PODXL: variants seen among roughly 807,000 people sequenced by gnomAD.
PODXL encodes podocalyxin like.
A neutral mutation model predicts 48.9 loss-of-function variants in PODXL; 20 were observed. That is an observed-to-expected ratio of 0.41 (90% CI 0.29 to 0.59). The LOEUF is 0.59. Ranked by LOEUF, PODXL falls within the 20% of genes least tolerant of loss-of-function variation. The pLI, the probability that PODXL is intolerant of heterozygous loss-of-function variation, is 0.31. For synonymous variants in PODXL, 295 were observed against 287.4 expected (o/e 1.03, Z -0.27); for missense variants, 606 against 675.1 (o/e 0.90, Z 1.13).
chr7:131,549,320 C>G (rs889316997), intron 1 of PODXL, among the ~76,000 whole-genome samples: 1 of 152,158 alleles, frequency 6.6e-6, no homozygotes, highest in Non-Finnish European at 1.5e-5. Context: ...TCAGTTTCTC[C>G]TCTCTGGAAT....
At chr7:131,524,338 TC>T (rs1212687864) in intron 1 of PODXL, among the ~76,000 whole-genome samples, 1 of 107,482 alleles carries the variant, frequency 9.3e-6, no homozygotes. Context: ...CCTACTGAGT[TC>T]AATAGGAAAC....
intron 8 of PODXL, 117 bp from the exon 9 acceptor site, chr7:131,504,625 T>C: frequency 6.0e-6 from 5 of 826,578 alleles, no homozygotes; most frequent in Non-Finnish European, 9.8e-6. Context: ...CAGGCCCTCA[T>C]TGCTCGCCTG....
rs754186566 is a variant in PODXL, at chr7:131,511,166, G to T, written c.368C>A (p.Pro123His). ...GGTGTCTGCACTTTTTGTGCTCTTG[G>T]GGCTCTCGATGGTGGTAGTAGGGTT... The part of the protein sequence containing the change: ...SGNPTTTIES[P>H]KSTKSADTTT... The change falls in exon 2 of 9, where the codon CCC becomes CAC. Residue 123 changes from proline (P) to histidine (H), a missense_variant. By Grantham distance (77) the Pro-to-His change is moderately conservative (BLOSUM62 -2). Coordinates refer to ENST00000378555, the MANE Select transcript of PODXL (RefSeq NM_001018111.3). 1.2e-6 allele frequency: 2 copies of T among 1,613,958 alleles called. No individual in the cohort carries two copies. Among genetic ancestry groups the T allele is most frequent in the Non-Finnish European group, 1.7e-6 (2 of 1,179,990 alleles).
At chr7:131,542,545 T>C (rs1446908633) in intron 1 of PODXL, among the ~76,000 whole-genome samples, 1 of 152,096 alleles carries the variant, frequency 6.6e-6, no homozygotes. Context: ...TGGTCCCAGC[T>C]ACACAGGAAG....
rs1197115557 is a variant in PODXL at position 131,500,949 on chromosome 7, A to ATTATC, written c.*3357_*3361dup. On this transcript the variant is annotated 3_prime_UTR_variant, in exon 9 of 9. Coordinates refer to ENST00000378555, the MANE Select transcript of PODXL (RefSeq NM_001018111.3). ...GTCACTTCATCTTTGTGAGCTTCAG[A>ATTATC]TTATCTTTTTCTCTAGAAAAAGATT... The ATTATC allele has an allele frequency of 2.0e-5, 3 of 152,176 alleles. No individual in the cohort carries two copies. The highest frequency in any genetic ancestry group is 4.1e-4 in the South Asian group (2 of 4,830). 9.4% of individuals were successfully genotyped at this position (152,176 alleles called of 1,614,324 possible).
intron 1 of PODXL, among the ~76,000 whole-genome samples, chr7:131,529,913 TCAGAGGG>T (rs1489879588): frequency 6.7e-6 from 1 of 148,420 alleles, no homozygotes; most frequent in Non-Finnish European, 1.5e-5. Flanking sequence ...GCCAGTCATT[TCAGAGGG>T]CTTGCGCTGG....
At chr7:131,543,911 C>G (rs1798522745) in intron 1 of PODXL, among the ~76,000 whole-genome samples, 1 of 152,212 alleles carries the variant, frequency 6.6e-6, no homozygotes, top group African/African-American at 2.4e-5. Flanking sequence ...TCCACACTGT[C>G]CAGCTGGGTT....
At chr7:131,532,799 C>T (rs1684204722) in intron 1 of PODXL, among the ~76,000 whole-genome samples, 1 of 152,102 alleles carries the variant, frequency 6.6e-6, no homozygotes, top group African/African-American at 2.4e-5. Context: ...GAGGATGGAG[C>T]CTCCATGATG....
chr7:131,526,888 G>A (rs1465715872), intron 1 of PODXL, among the ~76,000 whole-genome samples: 14 of 151,836 alleles, frequency 9.2e-5, no homozygotes, highest in African/African-American at 2.4e-4. Flanking sequence ...ACAGGTGCCC[G>A]TCACCACGGC....
intron 1 of PODXL, among the ~76,000 whole-genome samples, chr7:131,516,587 TGTCATGA>T (rs1797999891): frequency 6.6e-6 from 1 of 152,126 alleles, no homozygotes; most frequent in African/African-American, 2.4e-5. Context: ...TGCTCTGGTG[TGTCATGA>T]GAACTCAAAT....
chr7:131,556,164 G>C, intron 1 of PODXL, 96 bp downstream of exon 1: 1 of 1,337,604 alleles, frequency 7.5e-7, no homozygotes, highest in Non-Finnish European at 9.5e-7. Context: ...GCTCGGGGTC[G>C]GACCACGCGG....
intron 1 of PODXL, among the ~76,000 whole-genome samples, chr7:131,512,863 C>G (rs1797936728): frequency 6.6e-6 from 1 of 151,956 alleles, no homozygotes; most frequent in Non-Finnish European, 1.5e-5. Context: ...AGTAAAGTAA[C>G]TGGGCGTGGT....
At chr7:131,506,771 C>T (rs1297889963) in intron 5 of PODXL, 45 bp from the exon 6 acceptor site, 1 of 1,586,066 alleles carries the variant, frequency 6.3e-7, no homozygotes, top group East Asian at 2.3e-5. Flanking sequence ...AGCGTGACAG[C>T]AGCCTAGGCC....
intron 1 of PODXL, among the ~76,000 whole-genome samples, chr7:131,517,535 C>T (rs1798020398): frequency 6.6e-6 from 1 of 152,180 alleles, no homozygotes; most frequent in South Asian, 2.1e-4. Flanking sequence ...TAACAAATGA[C>T]TACAAACTAG....
At chr7:131,542,253 C>G (rs1187206795) in intron 1 of PODXL, among the ~76,000 whole-genome samples, 1 of 152,208 alleles carries the variant, frequency 6.6e-6, no homozygotes, top group Non-Finnish European at 1.5e-5. Context: ...TCTGCCCTCT[C>G]TCTCTGCCCA....
intron 1 of PODXL, among the ~76,000 whole-genome samples, chr7:131,550,422 A>G (rs1292367443): frequency 6.6e-6 from 1 of 152,162 alleles, no homozygotes; most frequent in Admixed American, 6.5e-5. Context: ...TGGGAGGCTG[A>G]GGTGGGCAGA....
At chr7:131,525,614 CAA>C (rs944082529) in intron 1 of PODXL, among the ~76,000 whole-genome samples, 6 of 149,738 alleles carry the variant, frequency 4.0e-5, no homozygotes, top group African/African-American at 1.5e-4. Context: ...AAAAAAAACA[CAA>C]AAAAAGTATA....
At chr7:131,513,820 C>T (rs2116797878) in intron 1 of PODXL, among the ~76,000 whole-genome samples, 1 of 152,222 alleles carries the variant, frequency 6.6e-6, no homozygotes, top group East Asian at 1.9e-4. Flanking sequence ...CCAGCTACTC[C>T]ATACACTGGA....
At chr7:131,530,302 T>C (rs912068311) in intron 1 of PODXL, among the ~76,000 whole-genome samples, 2 of 152,096 alleles carry the variant, frequency 1.3e-5, no homozygotes, top group Admixed American at 1.3e-4. Context: ...GGCTGCTCTC[T>C]GTTCACTTGG....
Sources: allele counts gnomAD v4.1 joint callset (sites outside exome capture counted in the v4.1 genomes callset), GRCh38; gene constraint gnomAD v4.1.1; transcripts MANE v1.5; gene names NCBI Gene and HGNC (gene_info 2026-07-23, HGNC 2026-07-21).